Variants in RWDD2B observed in about 807,000 individuals in gnomAD.
RWDD2B encodes the protein RWD domain containing 2B.
In RWDD2B, 36 loss-of-function variants were observed where a neutral mutation model predicts 33.6. That is an observed-to-expected ratio of 1.07 (90% CI 0.82 to 1.42). RWDD2B has a LOEUF of 1.42. Among genes scored for constraint, RWDD2B ranks in the 40% most tolerant of loss-of-function variants. The pLI, the probability that RWDD2B is intolerant of heterozygous loss-of-function variation, is 0.00. For missense variants in RWDD2B, 364 were observed against 377.5 expected (o/e 0.96, Z 0.30); for synonymous variants, 126 against 133.1 (o/e 0.95, Z 0.37).
chr21:29,016,716 T>G (rs929751080), intron 1 of RWDD2B, among the ~76,000 whole-genome samples: 1 of 152,210 alleles, frequency 6.6e-6, no homozygotes, highest in East Asian at 1.9e-4. Context: ...TTTGTTTTTT[T>G]GTTGGCGTGG....
intron 1 of RWDD2B, among the ~76,000 whole-genome samples, chr21:29,011,906 C>G (rs8128005): frequency 1.1e-5 from 1 of 93,712 alleles, no homozygotes; most frequent in African/African-American, 5.4e-5. Context: ...GGGTCAGCCC[C>G]CCGCCTGGCC....
chr21:29,006,636 G>A lies in RWDD2B; in HGVS notation c.741C>T (p.Asn247=), dbSNP rs570561611. 1 of 1,598,252 alleles carries A rather than the reference G, an allele frequency of 6.3e-7. No homozygotes were observed. Among genetic ancestry groups the A allele is most frequent in the Admixed American group, 1.7e-5 (1 of 57,812 alleles). Residue 247 remains asparagine, a synonymous_variant, in exon 5 of 5, where the codon AAC becomes AAT. Coordinates refer to ENST00000493196, the MANE Select transcript of RWDD2B (RefSeq NM_016940.3). ...GATGGCGAATTAAAATTCTCTTCCA[G>A]TTTAATTTTCTGAGTCTGAAAAGAA... ...EEFWSRLRKL[N]WKRILIRHRE...
intron 1 of RWDD2B, among the ~76,000 whole-genome samples, chr21:29,017,831 C>T (rs748434395): frequency 2.3e-4 from 35 of 152,106 alleles, no homozygotes; most frequent in Admixed American, 6.6e-4. Context: ...CAAGGGAAAG[C>T]GAACAGCATA....
chr21:29,017,697 A>C (rs1004154347), intron 1 of RWDD2B, among the ~76,000 whole-genome samples: 2 of 152,196 alleles, frequency 1.3e-5, no homozygotes, highest in African/African-American at 4.8e-5. Context: ...GGAAACAATG[A>C]GGCAGCAGGG....
At chr21:29,014,036 G>A (rs1454278930) in intron 1 of RWDD2B, among the ~76,000 whole-genome samples, 1 of 152,094 alleles carries the variant, frequency 6.6e-6, no homozygotes. Flanking sequence ...TTTCTGTTAC[G>A]ATAACAGACT....
chr21:29,007,738 C>CA lies in RWDD2B; in HGVS notation c.725+22dup, dbSNP rs147769680. 771 of 1,599,310 alleles carry CA rather than the reference C, an allele frequency of 4.8e-4. 2 individuals carry two copies. The African/African-American group carries it at 9.6e-3, about 20-fold the overall frequency. On this transcript the variant is annotated intron_variant, in intron 4 of 4. Transcript: ENST00000493196. ...AGTATTAACATTATTGACATGACTT[C>CA]ATATACATATGTAAAAGCAAACCTT...
Position 29,004,489 on chromosome 21 carries a change from G to A in RWDD2B, c.*1928C>T, listed in dbSNP as rs1029687110. Reference sequence around the variant, plus strand: ...CTGAAAAAGTTTTAGCAGTTTAGCTGCCACTTTAGCTGCTTAAAGTAATAT... The same window carrying A: ...CTGAAAAAGTTTTAGCAGTTTAGCTACCACTTTAGCTGCTTAAAGTAATAT... On this transcript the variant is annotated 3_prime_UTR_variant, in exon 5 of 5. Transcript: ENST00000493196. The A allele has an allele frequency of 6.6e-6, 1 of 152,236 alleles. No homozygotes were observed. Among genetic ancestry groups the A allele is most frequent in the African/African-American group, 2.4e-5 (1 of 41,460 alleles). The allele number at this position is 152,236 out of a possible 1,614,324, so 9.4% of individuals were successfully genotyped here.
At chr21:29,018,082 C>A (rs765768152) in intron 1 of RWDD2B, among the ~76,000 whole-genome samples, 1 of 152,128 alleles carries the variant, frequency 6.6e-6, no homozygotes, top group Non-Finnish European at 1.5e-5. Flanking sequence ...AGTGGGGTGA[C>A]CAGATATAGA....
chr21:29,008,333 G>A, intron 2 of RWDD2B, 26 bp from the exon 3 acceptor site: 1 of 1,612,548 alleles, frequency 6.2e-7, no homozygotes, highest in South Asian at 1.1e-5. Flanking sequence ...AAGAAAAAGT[G>A]CACTAACCAA....
Position 29,008,123 on chromosome 21 carries a change from T to C in RWDD2B, c.363A>G (p.Arg121=), listed in dbSNP as rs374810393. 15 of 1,611,380 alleles carry C rather than the reference T, an allele frequency of 9.3e-6. No homozygotes were observed. Among genetic ancestry groups the C allele is most frequent in the Admixed American group, 3.4e-5 (2 of 59,528 alleles). ...YPAVLPEITV[R]SVLLSRSQQT... ...GCTGGGATCTACTCAATAATACTGA[T>C]CTAATAGAAAAGATACAAGAAAAAT... The change falls in exon 4 of 5, where the codon AGA becomes AGG. Residue 121 remains arginine (R), a splice_region_variant and synonymous_variant. Coordinates refer to ENST00000493196, the MANE Select transcript of RWDD2B (RefSeq NM_016940.3).
intron 1 of RWDD2B, among the ~76,000 whole-genome samples, chr21:29,012,770 TA>T (rs67224905): frequency 0.41 from 61,294 of 147,878 alleles, 13,864 homozygotes; most frequent in South Asian, 0.57. Flanking sequence ...AATGATCAAT[TA>T]AAAAAAAAAA....
intron 1 of RWDD2B, among the ~76,000 whole-genome samples, chr21:29,009,184 C>A (rs953399525): frequency 2.0e-5 from 3 of 152,074 alleles, no homozygotes; most frequent in African/African-American, 4.8e-5. Flanking sequence ...ACCTCCCACG[C>A]CCAAGCAATC....
In RWDD2B at chr21:29,006,539, T is replaced by C. The variant is rs1412584599; in HGVS notation, c.838A>G (p.Lys280Glu). 2 of 1,614,010 alleles carry C rather than the reference T, an allele frequency of 1.2e-6. No homozygotes were observed. Among genetic ancestry groups the C allele is most frequent in the African/African-American group, 2.7e-5 (2 of 75,050 alleles). ...RQRKFSIFEEKVFSVNGARGN... is the reference protein window; with the variant it reads ...RQRKFSIFEEEVFSVNGARGN... Reference sequence around the variant, plus strand: ...CTGGCTCCATTAACACTGAACACTTTTTCTTCAAAAATGGAAAATTTCCTT... The same window carrying C: ...CTGGCTCCATTAACACTGAACACTTCTTCTTCAAAAATGGAAAATTTCCTT... Residue 280 changes from lysine to glutamate, a missense_variant, in exon 5 of 5, where the codon AAA becomes GAA. Transcript: ENST00000493196.
Position 29,008,265 on chromosome 21 carries a change from C to T in RWDD2B, c.337G>A (p.Ala113Thr). 6.2e-7 allele frequency: 1 copy of T among 1,614,192 alleles called. No homozygotes were observed. The highest frequency in any genetic ancestry group is 1.3e-5 in the African/African-American group (1 of 75,046). The change falls in exon 3 of 5, where the codon GCA (alanine) becomes ACA (threonine). Residue 113 changes from alanine to threonine, a missense_variant. Coordinates refer to ENST00000493196, the MANE Select transcript of RWDD2B (RefSeq NM_016940.3). ...LACILPFKYP[A>T]VLPEITVRSV... is the part of the protein sequence containing the mutation. ...CTGACAGTAATTTCAGGCAGAACTG[C>T]CGGGTATTTAAAGGGAAGAATACAG... is the stretch of plus-strand genomic sequence containing the variant.
Position 29,006,237 on chromosome 21 carries a change from T to A in RWDD2B, c.*180A>T. ...TTTAAGGTTGTAATTTGAAACTCAG[T>A]TCTGCTTTCAATCATGACATTTTTA... On this transcript the variant is annotated 3_prime_UTR_variant, in exon 5 of 5. Transcript: ENST00000493196. The A allele has an allele frequency of 2.1e-6, 1 of 484,476 alleles. No homozygotes were observed. Among genetic ancestry groups the A allele is most frequent in the Non-Finnish European group, 3.7e-6 (1 of 272,954 alleles). The allele number at this position is 484,476 out of a possible 1,614,324, so 30.0% of individuals were successfully genotyped here. A position where few individuals can be genotyped will look rare whatever the true frequency, so the allele number is the denominator to read the frequency against.
intron 1 of RWDD2B, 45 bp downstream of exon 1, chr21:29,019,166 A>G (rs1412096680): frequency 6.7e-7 from 1 of 1,500,990 alleles, no homozygotes; most frequent in Non-Finnish European, 9.1e-7. Context: ...AGCGTGGGAA[A>G]CCCCCGTGGC....
In RWDD2B at chr21:29,006,408, C is replaced by T; in HGVS notation, c.*9G>A. 1 of 1,556,560 alleles carries T rather than the reference C, an allele frequency of 6.4e-7. No homozygotes were observed. ...AACAGTGGCAAGATACTTTCAACTA[C>T]TCTTGATGTCATTGTCCTTCTACAC... On this transcript the variant is annotated 3_prime_UTR_variant, in exon 5 of 5. Coordinates refer to ENST00000493196, the MANE Select transcript of RWDD2B (RefSeq NM_016940.3).
At chr21:29,011,350 C>G (rs1007588726) in intron 1 of RWDD2B, among the ~76,000 whole-genome samples, 16 of 147,680 alleles carry the variant, frequency 1.1e-4, no homozygotes, top group Non-Finnish European at 2.2e-4. Flanking sequence ...AGCGTCTCTG[C>G]CCGGCCACCC....
chr21:29,010,796 T>C (rs1259537067), intron 1 of RWDD2B, among the ~76,000 whole-genome samples: 1 of 151,054 alleles, frequency 6.6e-6, no homozygotes, highest in Admixed American at 6.6e-5. Flanking sequence ...GCCTGCCGAG[T>C]GCCTGCGATT....
Sources: gnomAD v4.1 joint callset for allele counts (sites outside exome capture counted in the v4.1 genomes callset) on GRCh38, gnomAD v4.1.1 for gene constraint, MANE v1.5 for transcripts, NCBI Gene and HGNC (gene_info 2026-07-23, HGNC 2026-07-21) for gene names.